VIPR2: variants seen among roughly 807,000 people sequenced by gnomAD.
VIPR2 encodes vasoactive intestinal polypeptide receptor 2.
Under a neutral mutation model 58.0 loss-of-function variants are expected in VIPR2, and 48 were observed. That is an observed-to-expected ratio of 0.83 (90% CI 0.66 to 1.05). The LOEUF is 1.05. Among genes scored for constraint, VIPR2 ranks in the 50% least tolerant of loss-of-function variants. The pLI is 0.00. For missense variants in VIPR2, 534 were observed against 558.0 expected, an observed-to-expected ratio of 0.96 and a Z score of 0.43; for synonymous variants, 243 against 235.2, an observed-to-expected ratio of 1.03 and a Z score of -0.30.
At chr7:159,094,883 C>A (rs1857740098) in intron 4 of VIPR2, among the ~76,000 whole-genome samples, 1 of 152,206 alleles carries the variant, frequency 6.6e-6, no homozygotes, top group East Asian at 1.9e-4. Context: ...CTAGTTCATG[C>A]ACAGAGTTTA....
chr7:159,048,661 TTTC>T (rs1341704014), intron 5 of VIPR2, among the ~76,000 whole-genome samples: 5 of 152,264 alleles, frequency 3.3e-5, no homozygotes, highest in Admixed American at 6.5e-5. Context: ...ATTTCACTGG[TTTC>T]TTTTTATTTT....
chr7:159,092,094 T>C (rs1035920941), intron 4 of VIPR2, among the ~76,000 whole-genome samples: 2 of 152,018 alleles, frequency 1.3e-5, no homozygotes, highest in African/African-American at 4.8e-5. Context: ...AAAACGGAGG[T>C]GAGAACCTCC....
At position 159,144,703 on chromosome 7, in the gene VIPR2, G is replaced by A; in HGVS notation, c.51+18C>T. 1 of 1,330,068 alleles carries A rather than the reference G, an allele frequency of 7.5e-7. No individual in the cohort carries two copies. Among genetic ancestry groups the A allele is most frequent in the South Asian group, 2.1e-5 (1 of 48,624 alleles). The allele number at this position is 1,330,068 out of a possible 1,614,324, so 82.4% of individuals were successfully genotyped here. ...CGGGTCCGAGGCGCCGTGGGGCGGG[G>A]GTCGCGGGCGCACTCACGGGGGCGA... On this transcript the variant is annotated intron_variant, in intron 1 of 12. Transcript: ENST00000262178.
At chr7:159,132,587 C>T (rs1194893575) in intron 2 of VIPR2, among the ~76,000 whole-genome samples, 1 of 152,250 alleles carries the variant, frequency 6.6e-6, no homozygotes, top group Non-Finnish European at 1.5e-5. Context: ...ACTACAGACC[C>T]AGAGCCCGTG....
Position 159,128,685 on chromosome 7 carries a change from T to G in VIPR2, c.151+13761A>C, listed in dbSNP as rs187974969. 6.6e-5 allele frequency among the ~76,000 whole-genome samples: 10 copies of G among 152,342 alleles called. No individual in the cohort carries two copies. Among genetic ancestry groups the G allele is most frequent in the Admixed American group, 2.0e-4 (3 of 15,308 alleles). ...CCATCTCCCACCTGGAGGAACTCGA[T>G]CAATGAGTTTCCTCATTTCCAGGAA... is the stretch of plus-strand genomic sequence containing the variant. On this transcript the variant is annotated intron_variant, in intron 2 of 12. Transcript: ENST00000262178. This position sits in a 1 kb window ranked among gnomAD's most constrained non-coding sequence, Gnocchi z 4.1.
At chr7:159,121,448 G>C (rs1443901251) in intron 2 of VIPR2, among the ~76,000 whole-genome samples, 1 of 152,142 alleles carries the variant, frequency 6.6e-6, no homozygotes, top group African/African-American at 2.4e-5. Context: ...TCCCTGCTTA[G>C]GGCCATAATG....
intron 4 of VIPR2, among the ~76,000 whole-genome samples, chr7:159,092,996 C>T (rs1039951439): frequency 6.6e-6 from 1 of 152,162 alleles, no homozygotes; most frequent in Non-Finnish European, 1.5e-5. Flanking sequence ...TGTGCAGCCT[C>T]TCCGGGGAGA....
At chr7:159,067,537 C>T (rs1226140877) in intron 4 of VIPR2, among the ~76,000 whole-genome samples, 1 of 152,210 alleles carries the variant, frequency 6.6e-6, no homozygotes, top group Non-Finnish European at 1.5e-5. Flanking sequence ...TTCCTCGCAA[C>T]AAGAAAATGC....
chr7:159,046,937 A>G lies in VIPR2; in HGVS notation c.456-3761T>C, dbSNP rs149335341. 4.7e-3 allele frequency among the ~76,000 whole-genome samples: 722 copies of G among 152,340 alleles called. 1 individual carries two copies. The highest frequency in any genetic ancestry group is 8.0e-3 in the Non-Finnish European group (545 of 68,030). On this transcript the variant is annotated intron_variant, in intron 5 of 12. Transcript: ENST00000262178. ...CCACAGAGTAAAAGCCCTTTCTAAC[A>G]TTATTAAAGATCCTGGGCCGGGCGC...
Position 159,036,914 on chromosome 7 carries a change from A to C in VIPR2, c.598-12T>G, listed in dbSNP as rs1444291303. 1.4e-5 allele frequency: 22 copies of C among 1,609,470 alleles called. No homozygotes were observed. The highest frequency in any genetic ancestry group is 1.7e-5 in the Non-Finnish European group (20 of 1,176,814). The stretch of plus-strand genomic sequence containing the variant: ...AGCTTGCAGCCCACCTGGAAACCGC[A>C]AACAGAGGAGAGGAAAGCATGACCT... On this transcript the variant is annotated splice_polypyrimidine_tract_variant and intron_variant, in intron 6 of 12. Coordinates refer to ENST00000262178, the MANE Select transcript of VIPR2 (RefSeq NM_003382.5).
chr7:159,083,913 T>C (rs962561292), intron 4 of VIPR2, among the ~76,000 whole-genome samples: 1 of 152,192 alleles, frequency 6.6e-6, no homozygotes, highest in African/African-American at 2.4e-5. Flanking sequence ...GGCTGGTGCA[T>C]GTGAACATTC....
Position 159,096,194 on chromosome 7 carries a change from C to G in VIPR2, c.357+7563G>C, listed in dbSNP as rs1857830066. 6.6e-6 allele frequency among the ~76,000 whole-genome samples: 1 copy of G among 152,218 alleles called. No homozygotes were observed. The highest frequency in any genetic ancestry group is 1.5e-5 in the Non-Finnish European group (1 of 68,032). ...GAGGTCCCACCCAAGGCTGCCCAAGCCCAAAGACAGGCCTCCTATCCATCG... is the reference window on the plus strand; with the variant it reads ...GAGGTCCCACCCAAGGCTGCCCAAGGCCAAAGACAGGCCTCCTATCCATCG... On this transcript the variant is annotated intron_variant, in intron 4 of 12. Coordinates refer to ENST00000262178, the MANE Select transcript of VIPR2 (RefSeq NM_003382.5). The surrounding 1 kb of genome is among the most constrained non-coding windows in gnomAD (Gnocchi z 5.5).
intron 4 of VIPR2, among the ~76,000 whole-genome samples, chr7:159,088,715 C>T (rs1402113450): frequency 2.6e-5 from 4 of 152,360 alleles, no homozygotes; most frequent in Non-Finnish European, 5.9e-5. Flanking sequence ...GGCAGCACGG[C>T]CTGCACCACG....
chr7:159,138,144 G>A (rs1403278137), intron 2 of VIPR2, among the ~76,000 whole-genome samples: 2 of 152,224 alleles, frequency 1.3e-5, no homozygotes, highest in Non-Finnish European at 1.5e-5. Flanking sequence ...CAGCTGAGCC[G>A]AGACCACAGA....
intron 6 of VIPR2, among the ~76,000 whole-genome samples, chr7:159,037,397 C>G (rs962334760): frequency 2.6e-5 from 4 of 152,236 alleles, no homozygotes; most frequent in Non-Finnish European, 4.4e-5. Context: ...GCCTCTGTCC[C>G]TTTGTGTGAA....
Position 159,090,245 on chromosome 7 carries a change from C to T in VIPR2, c.357+13512G>A, listed in dbSNP as rs529350171. 6.0e-5 allele frequency among the ~76,000 whole-genome samples: 8 copies of T among 132,732 alleles called. No homozygotes were observed. In the South Asian group the frequency reaches 2.2e-3, roughly 37 times the overall value. 87.1% of individuals were successfully genotyped at this position (132,732 alleles called of 152,430 possible). A position where few individuals can be genotyped will look rare whatever the true frequency, so the allele number is the denominator to read the frequency against. Reference sequence around the variant, plus strand: ...CAGGGGCCACCTCTTGTGACTATCACAATCCCCAGTGACCTCAGCACAGAC... The same window carrying T: ...CAGGGGCCACCTCTTGTGACTATCATAATCCCCAGTGACCTCAGCACAGAC... On this transcript the variant is annotated intron_variant, in intron 4 of 12. Coordinates refer to ENST00000262178, the MANE Select transcript of VIPR2 (RefSeq NM_003382.5).
chr7:159,047,361 A>G (rs1205404661), intron 5 of VIPR2, among the ~76,000 whole-genome samples: 1 of 152,264 alleles, frequency 6.6e-6, no homozygotes, highest in Non-Finnish European at 1.5e-5. Flanking sequence ...CTGGACAATT[A>G]ATATTTTGAA....
At chr7:159,041,492 C>T (rs375629397) in intron 6 of VIPR2, among the ~76,000 whole-genome samples, 4 of 145,326 alleles carry the variant, frequency 2.8e-5, no homozygotes, top group African/African-American at 7.8e-5. Flanking sequence ...TTCCATGTCG[C>T]GGGTCCCAAG....
At chr7:159,041,970 C>T (rs547829155) in intron 6 of VIPR2, among the ~76,000 whole-genome samples, 5 of 152,154 alleles carry the variant, frequency 3.3e-5, no homozygotes, top group South Asian at 4.2e-4. Context: ...ACCTGGGGAA[C>T]GGGGCTTGCC....
Sources: gnomAD v4.1 joint callset for allele counts (sites outside exome capture counted in the v4.1 genomes callset) on GRCh38, gnomAD v4.1.1 for gene constraint, Gnocchi (gnomAD v3.1) non-coding constraint, MANE v1.5 for transcripts, NCBI Gene and HGNC (gene_info 2026-07-23, HGNC 2026-07-21) for gene names.